MDGA2: variants seen among roughly 807,000 people sequenced by gnomAD.
MDGA2 encodes MAM domain containing glycosylphosphatidylinositol anchor 2, also known as MAM domain-containing glycosylphosphatidylinositol anchor protein 2.
A neutral mutation model predicts 117.8 loss-of-function variants in MDGA2; 40 were observed. The ratio of observed to expected loss-of-function variants is 0.34; its 90% CI spans 0.26 to 0.44. The LOEUF is 0.44. MDGA2 is among the 20% of genes least tolerant of loss of function. The pLI is 1.00. For missense variants in MDGA2, 1,123 were observed against 1,250.6 expected, an observed-to-expected ratio of 0.90 and a Z score of 1.54; for synonymous variants, 452 against 439.0, an observed-to-expected ratio of 1.03 and a Z score of -0.37.
chr14:47,384,529 T>G (rs1465846436), intron 1 of MDGA2, among the ~76,000 whole-genome samples: 1 of 152,104 alleles, frequency 6.6e-6, no homozygotes, highest in Non-Finnish European at 1.5e-5. Context: ...TTATATGGGC[T>G]GCACTTGGAA....
At chr14:47,400,333 AT>A (rs1166142080) in intron 1 of MDGA2, among the ~76,000 whole-genome samples, 5 of 152,124 alleles carry the variant, frequency 3.3e-5, no homozygotes, top group African/African-American at 9.6e-5. Flanking sequence ...TATGACTATT[AT>A]TTTTTCTTTA....
chr14:46,902,693 A>AT (rs1883334902), intron 10 of MDGA2, among the ~76,000 whole-genome samples: 2 of 152,168 alleles, frequency 1.3e-5, no homozygotes, highest in South Asian at 4.1e-4. Flanking sequence ...TTATTGCTTC[A>AT]TATATGGCCA....
intron 2 of MDGA2, among the ~76,000 whole-genome samples, chr14:47,247,799 C>T (rs1887297998): frequency 1.3e-5 from 2 of 151,208 alleles, no homozygotes; most frequent in South Asian, 4.2e-4. Context: ...CCTAGCACCC[C>T]CCACTCCCTG....
chr14:47,372,845 A>C (rs1280669923), intron 1 of MDGA2, among the ~76,000 whole-genome samples: 1 of 151,984 alleles, frequency 6.6e-6, no homozygotes, highest in Non-Finnish European at 1.5e-5. Flanking sequence ...GTTCATATAC[A>C]TTTTATTATA....
intron 1 of MDGA2, among the ~76,000 whole-genome samples, chr14:47,388,953 C>G (rs139300741): frequency 6.6e-6 from 1 of 152,096 alleles, no homozygotes; most frequent in Non-Finnish European, 1.5e-5. Context: ...AACTAAAGGT[C>G]GTATTTTACC....
intron 1 of MDGA2, among the ~76,000 whole-genome samples, chr14:47,639,556 G>A (rs779206429): frequency 2.0e-5 from 3 of 152,116 alleles, no homozygotes; most frequent in East Asian, 1.9e-4. Context: ...TGAATCCTGC[G>A]CACAAGTACG....
At chr14:47,283,720 T>C (rs1195448922) in intron 2 of MDGA2, among the ~76,000 whole-genome samples, 1 of 152,202 alleles carries the variant, frequency 6.6e-6, no homozygotes, top group East Asian at 1.9e-4. Flanking sequence ...TTTTAAGAAA[T>C]GATGATAATC....
intron 1 of MDGA2, among the ~76,000 whole-genome samples, chr14:47,560,763 C>T (rs1211256150): frequency 6.6e-6 from 1 of 152,124 alleles, no homozygotes; most frequent in African/African-American, 2.4e-5. Context: ...TTGGCATCTT[C>T]ATCATGAAAT....
At chr14:47,561,164 T>G (rs2416093) in intron 1 of MDGA2, among the ~76,000 whole-genome samples, 19,142 of 89,948 alleles carry the variant, frequency 0.21, 3,302 homozygotes, top group African/African-American at 0.27. Flanking sequence ...TTTTGTTTTG[T>G]TTTTTTGTTT....
At chr14:47,163,881 T>G (rs182514351) in intron 3 of MDGA2, among the ~76,000 whole-genome samples, 1 of 152,176 alleles carries the variant, frequency 6.6e-6, no homozygotes, top group Non-Finnish European at 1.5e-5. Flanking sequence ...GAATTTAATA[T>G]GAGCACAACA....
At chr14:47,076,044 T>C (rs1302546981) in intron 6 of MDGA2, among the ~76,000 whole-genome samples, 3 of 152,150 alleles carry the variant, frequency 2.0e-5, no homozygotes, top group East Asian at 3.9e-4. Context: ...CAAATAAAAC[T>C]AGTGAAGAAA....
At chr14:47,406,555 A>G (rs1892265586) in intron 1 of MDGA2, among the ~76,000 whole-genome samples, 1 of 152,004 alleles carries the variant, frequency 6.6e-6, no homozygotes, top group Non-Finnish European at 1.5e-5. Flanking sequence ...TTTACATCCT[A>G]TTAATTTTCT....
At chr14:47,288,120 G>A (rs1456324413) in intron 2 of MDGA2, among the ~76,000 whole-genome samples, 1 of 150,204 alleles carries the variant, frequency 6.7e-6, no homozygotes, top group Non-Finnish European at 1.5e-5. Flanking sequence ...CCCAAGGGAA[G>A]TAATACAAGG....
chr14:47,206,065 AAAAG>A (rs1446268391), intron 3 of MDGA2, among the ~76,000 whole-genome samples: 3 of 152,048 alleles, frequency 2.0e-5, no homozygotes, highest in African/African-American at 7.2e-5. Flanking sequence ...GTTCATAGAA[AAAAG>A]AAAGAAGATA....
chr14:47,558,136 G>C (rs1895721044), intron 1 of MDGA2, among the ~76,000 whole-genome samples: 1 of 152,074 alleles, frequency 6.6e-6, no homozygotes, highest in South Asian at 2.1e-4. Context: ...TAATGCCAGA[G>C]CACCTAGAAA....
chr14:47,324,294 T>C (rs148824026), intron 1 of MDGA2, among the ~76,000 whole-genome samples: 41 of 152,232 alleles, frequency 2.7e-4, no homozygotes, highest in African/African-American at 9.4e-4. Flanking sequence ...AAAAAACAGT[T>C]TTTATTTCTT....
At chr14:46,978,439 G>T (rs1369444575) in intron 8 of MDGA2, among the ~76,000 whole-genome samples, 1 of 152,026 alleles carries the variant, frequency 6.6e-6, no homozygotes, top group Non-Finnish European at 1.5e-5. Context: ...AATTTAGACA[G>T]TAATGTGTTT....
intron 1 of MDGA2, among the ~76,000 whole-genome samples, chr14:47,566,419 G>C (rs1358667905): frequency 6.6e-6 from 1 of 152,152 alleles, no homozygotes; most frequent in Admixed American, 6.5e-5. Context: ...GTCTCTTCAG[G>C]TCTGACAGTT....
intron 1 of MDGA2, among the ~76,000 whole-genome samples, chr14:47,660,961 CTTTCT>C (rs1424517593): frequency 5.3e-5 from 8 of 152,106 alleles, no homozygotes; most frequent in Middle Eastern, 3.2e-3. Flanking sequence ...TAAAACATAT[CTTTCT>C]TTTCTAAGAA....
Sources: allele counts gnomAD v4.1 joint callset (sites outside exome capture counted in the v4.1 genomes callset), GRCh38; gene constraint gnomAD v4.1.1; transcripts MANE v1.5; gene names NCBI Gene and HGNC (gene_info 2026-07-23, HGNC 2026-07-21).